The following ADGRF3 variants were observed in gnomAD, a reference collection of about 807,000 sequenced individuals.
ADGRF3 encodes the protein G protein-coupled receptor 113.
A neutral mutation model predicts 93.2 loss-of-function variants in ADGRF3; 85 were observed. The observed-to-expected ratio is 0.91, with a 90% CI of 0.77 to 1.09. The LOEUF is 1.09. Among genes scored for constraint, ADGRF3 ranks in the 50% least tolerant of loss-of-function variants. ADGRF3 has a pLI of 0.00. For synonymous variants in ADGRF3, 534 were observed against 532.5 expected, an observed-to-expected ratio of 1.00 and a Z score of -0.04; for missense variants, 1,125 against 1,246.2, an observed-to-expected ratio of 0.90 and a Z score of 1.46.
At chr2:26,316,640 G>A (rs920590132) in intron 3 of ADGRF3, among the ~76,000 whole-genome samples, 192 bp from the exon 4 acceptor site, 2 of 152,276 alleles carry the variant, frequency 1.3e-5, no homozygotes, top group South Asian at 2.1e-4. Context: ...CAGATGTCTC[G>A]GGGGCCAGGG....
At chr2:26,315,432 G>T in intron 5 of ADGRF3, 90 bp downstream of exon 5, 2 of 1,344,592 alleles carry the variant, frequency 1.5e-6, no homozygotes, top group Non-Finnish European at 2.0e-6. Context: ...GGCGTGGGAA[G>T]AAGAGGTGAA....
At chr2:26,343,293 T>A (rs1228677097) in intron 1 of ADGRF3, among the ~76,000 whole-genome samples, 1 of 152,164 alleles carries the variant, frequency 6.6e-6, no homozygotes, top group Non-Finnish European at 1.5e-5. Flanking sequence ...CATATCATTG[T>A]AGGTAAGACA....
At chr2:26,319,113 C>T (rs1387670416) in intron 1 of ADGRF3, 4 of 1,506,310 alleles carry the variant, frequency 2.7e-6, no homozygotes, top group African/African-American at 1.4e-5. Flanking sequence ...GCTGGCAGGG[C>T]AGTGTGCAGA....
Position 26,346,257 on chromosome 2 carries a change from C to T in ADGRF3, c.-23G>A, listed in dbSNP as rs759682662. On this transcript the variant is annotated 5_prime_UTR_variant, in exon 1 of 14. Coordinates refer to ENST00000651242, the MANE Select transcript of ADGRF3 (RefSeq NM_001321971.2). Reference sequence around the variant, plus strand: ...CATGGCTGGCTACGAATACGTGAGCCCGGAGCAGCTGGCTGGCTTTGATAA... The same window carrying T: ...CATGGCTGGCTACGAATACGTGAGCTCGGAGCAGCTGGCTGGCTTTGATAA... The T allele has an allele frequency of 4.0e-5, 65 of 1,613,518 alleles. No homozygotes were observed. In the South Asian group the frequency reaches 6.8e-4, roughly 17 times the overall value.
At position 26,310,762 on chromosome 2, in the gene ADGRF3, C is replaced by A; in HGVS notation, c.2762G>T (p.Gly921Val). 1.2e-6 allele frequency: 2 copies of A among 1,613,384 alleles called. No homozygotes were observed. Among genetic ancestry groups the A allele is most frequent in the Non-Finnish European group, 1.7e-6 (2 of 1,179,612 alleles). ...TPIFGLTWGLGLATLLEEVST... is the reference protein window; with the variant it reads ...TPIFGLTWGLVLATLLEEVST... ...GACTTCCTCTAACAGAGTGGCCAGG[C>A]CCAGCCCCCAGGTGAGGCCAAAGAT... Residue 921 changes from glycine to valine, a missense_variant, in exon 10 of 14, where the codon GGC becomes GTC. Gly to Val is a moderately radical substitution (Grantham distance 109, BLOSUM62 -3). Transcript: ENST00000651242.
At position 26,313,396 on chromosome 2, in the gene ADGRF3, G is replaced by T. The variant is rs1196602063; in HGVS notation, c.1250C>A (p.Ala417Asp). ...HSSCTDARLL[A>D]LFTRTKLLQA... ...CTTCACCTTGGTTCTAGTGAACAAG[G>T]CCAGGAGCCTCGCATCTGTGCAGCT... is the stretch of plus-strand genomic sequence containing the variant. The change falls in exon 8 of 14, where the codon GCC (alanine) becomes GAC (aspartate). Residue 417 changes from alanine to aspartate, a missense_variant. Ala to Asp is a moderately radical substitution (Grantham distance 126). Transcript: ENST00000651242. 1 of 1,599,450 alleles carries T rather than the reference G, an allele frequency of 6.3e-7. No individual in the cohort carries two copies. Among genetic ancestry groups the T allele is most frequent in the Non-Finnish European group, 8.5e-7 (1 of 1,173,416 alleles).
At chr2:26,316,534 G>T in intron 3 of ADGRF3, 86 bp from the exon 4 acceptor site, 1 of 1,376,072 alleles carries the variant, frequency 7.3e-7, no homozygotes, top group Non-Finnish European at 9.9e-7. Flanking sequence ...TGCCTGAGAG[G>T]CTTTAGGGCT....
At chr2:26,341,802 G>A (rs879490820) in intron 1 of ADGRF3, among the ~76,000 whole-genome samples, 7 of 152,102 alleles carry the variant, frequency 4.6e-5, no homozygotes, top group South Asian at 2.1e-4. Flanking sequence ...AGCTGGGCGC[G>A]GTGGCTCACA....
At chr2:26,319,604 T>TTCCTTCCC (rs1675018727) in intron 1 of ADGRF3, among the ~76,000 whole-genome samples, 1 of 69,302 alleles carries the variant, frequency 1.4e-5, no homozygotes, top group African/African-American at 4.2e-5. Context: ...CCTTCCTTCC[T>TTCCTTCCC]TCCTTCCTTC....
chr2:26,311,185 C>G lies in ADGRF3; in HGVS notation c.2339G>C (p.Cys780Ser). The stretch of plus-strand genomic sequence containing the variant: ...AAAGGTGGCCAGGTAGAGGAAATGA[C>G]AGAGGAAGGCGGCAGCAAGGCAGAG... Reference protein sequence around the residue: ...SPLCLAAAFLCHFLYLATFFW... With the variant: ...SPLCLAAAFLSHFLYLATFFW... Residue 780 changes from cysteine (C) to serine (S), a missense_variant, in exon 10 of 14, where the codon TGT becomes TCT. Physicochemically the swap from Cys to Ser is moderately radical, Grantham distance 112. Coordinates refer to ENST00000651242, the MANE Select transcript of ADGRF3 (RefSeq NM_001321971.2). 6.3e-7 allele frequency: 1 copy of G among 1,599,060 alleles called. No homozygotes were observed. Among genetic ancestry groups the G allele is most frequent in the Non-Finnish European group, 8.5e-7 (1 of 1,173,198 alleles).
chr2:26,309,311 G>C (rs1574688378), intron 13 of ADGRF3: 4 of 1,504,644 alleles, frequency 2.7e-6, no homozygotes, highest in Non-Finnish European at 3.5e-6. Context: ...TTCTTGGAAA[G>C]CAAGATAAGG....
At position 26,308,994 on chromosome 2, in the gene ADGRF3, G is replaced by A. The variant is rs749226740; in HGVS notation, c.*92C>T. ...TCTCAAGGGCTGAGCTCCGGGAGGC[G>A]GGAAGAGTTCAGAGCATTGGGCCAG... On this transcript the variant is annotated 3_prime_UTR_variant, in exon 14 of 14. Coordinates refer to ENST00000651242, the MANE Select transcript of ADGRF3 (RefSeq NM_001321971.2). 4.5e-6 allele frequency: 7 copies of A among 1,567,500 alleles called. No homozygotes were observed. Among genetic ancestry groups the A allele is most frequent in the Admixed American group, 1.7e-5 (1 of 59,630 alleles).
intron 1 of ADGRF3, 62 bp downstream of exon 1, chr2:26,346,059 G>A: frequency 1.3e-6 from 2 of 1,495,098 alleles, no homozygotes; most frequent in South Asian, 2.5e-5. Context: ...TGCGCACTGA[G>A]AGGCGGCCGA....
chr2:26,333,977 G>A (rs1256699228), intron 1 of ADGRF3, among the ~76,000 whole-genome samples: 3 of 122,282 alleles, frequency 2.5e-5, no homozygotes, highest in East Asian at 2.0e-4. Context: ...ACGCCACCAC[G>A]CCCAGCTAGT....
intron 6 of ADGRF3, 144 bp downstream of exon 6, chr2:26,314,270 G>T: frequency 3.8e-6 from 3 of 785,778 alleles, no homozygotes; most frequent in East Asian, 2.7e-5. Flanking sequence ...TGGCTCTGAT[G>T]GGGTAGAAAA....
chr2:26,315,832 C>T (rs1674604446), intron 4 of ADGRF3, 92 bp from the exon 5 acceptor site: 1 of 1,512,882 alleles, frequency 6.6e-7, no homozygotes, highest in African/African-American at 1.4e-5. Flanking sequence ...ACTCTGGAGC[C>T]CATTCCTCCA....
chr2:26,323,783 C>T (rs1047244218), intron 1 of ADGRF3, among the ~76,000 whole-genome samples: 2 of 151,978 alleles, frequency 1.3e-5, no homozygotes, highest in Non-Finnish European at 1.5e-5. Flanking sequence ...GTGCCCACCA[C>T]CACACCCAGA....
Position 26,313,855 on chromosome 2 carries a change from T to C in ADGRF3, c.977A>G (p.Gln326Arg). 1 of 1,613,950 alleles carries C rather than the reference T, an allele frequency of 6.2e-7. No individual in the cohort carries two copies. Among genetic ancestry groups the C allele is most frequent in the Non-Finnish European group, 8.5e-7 (1 of 1,179,872 alleles). Residue 326 changes from glutamine to arginine, a missense_variant, in exon 7 of 14, where the codon CAG (glutamine) becomes CGG (arginine). Transcript: ENST00000651242. ...SGSQCFVLAV[Q>R]RCPMADTTYA... The stretch of plus-strand genomic sequence containing the variant: ...CGTGGTGTCAGCCATCGGGCAGCGC[T>C]GAACAGCCAGCACAAAGCACTGAGA...
chr2:26,308,652 T>C lies in ADGRF3; in HGVS notation c.*434A>G, dbSNP rs2147853889. The C allele has an allele frequency of 6.4e-6, 1 of 156,796 alleles. No homozygotes were observed. The highest frequency in any genetic ancestry group is 1.9e-4 in the East Asian group (1 of 5,364). 9.7% of individuals were successfully genotyped at this position (156,796 alleles called of 1,614,324 possible). ...CAATGTTTGAAAGATCAGAGGTTCC[T>C]GTCAAGTAAGTCATCCTTTCTTCAT... On this transcript the variant is annotated 3_prime_UTR_variant, in exon 14 of 14. Coordinates refer to ENST00000651242, the MANE Select transcript of ADGRF3 (RefSeq NM_001321971.2).
Sources: allele counts gnomAD v4.1 joint callset (sites outside exome capture counted in the v4.1 genomes callset), GRCh38; gene constraint gnomAD v4.1.1; transcripts MANE v1.5; gene names NCBI Gene and HGNC (gene_info 2026-07-23, HGNC 2026-07-21).